KCNAB1: variants seen among roughly 807,000 people sequenced by gnomAD.
The protein encoded by KCNAB1 is voltage-gated potassium channel subunit beta-1.
KCNAB1 carries 35 observed loss-of-function variants against 64.6 expected under a neutral mutation model. The ratio of observed to expected loss-of-function variants is 0.54; its 90% CI spans 0.41 to 0.72. The LOEUF (loss-of-function observed/expected upper bound fraction) is 0.72, where lower values mean the gene tolerates loss of function less well. Ranked by LOEUF, KCNAB1 falls within the 30% of genes least tolerant of loss-of-function variation. The pLI is 0.00. For synonymous variants in KCNAB1, 177 were observed against 183.8 expected, an observed-to-expected ratio of 0.96 and a Z score of 0.30; for missense variants, 401 against 512.9, an observed-to-expected ratio of 0.78 and a Z score of 2.11.
rs1025191896 is a variant in KCNAB1 at position 156,508,193 on chromosome 3, G to A, written c.659-6171G>A. ...CTGTTTCCTCATCTAGAATAAGAAG[G>A]AACTGCACTGGATTACCTCTAAGGC... is the stretch of plus-strand genomic sequence containing the variant. On this transcript the variant is annotated intron_variant, in intron 8 of 13. Coordinates refer to ENST00000490337, the MANE Select transcript of KCNAB1 (RefSeq NM_172160.3). The surrounding 1 kb of genome is among the most constrained non-coding windows in gnomAD (Gnocchi z 4.1). 6.6e-6 allele frequency among the ~76,000 whole-genome samples: 1 copy of A among 151,892 alleles called. No homozygotes were observed. Among genetic ancestry groups the A allele is most frequent in the Non-Finnish European group, 1.5e-5 (1 of 67,978 alleles).
chr3:156,204,108 A>G (rs1477795221), intron 1 of KCNAB1, among the ~76,000 whole-genome samples: 1 of 152,248 alleles, frequency 6.6e-6, no homozygotes, highest in African/African-American at 2.4e-5. Context: ...GTAGGAAGAC[A>G]GCTATTGTTT....
intron 1 of KCNAB1, among the ~76,000 whole-genome samples, chr3:156,189,022 T>C (rs1417857992): frequency 2.6e-5 from 4 of 152,152 alleles, no homozygotes; most frequent in African/African-American, 9.7e-5. Context: ...CTACCTTGAC[T>C]CAAGACAGGT....
intron 1 of KCNAB1, among the ~76,000 whole-genome samples, chr3:156,254,119 G>A (rs987172520): frequency 6.6e-5 from 10 of 152,170 alleles, no homozygotes; most frequent in African/African-American, 2.4e-4. Context: ...TGAACAAGAG[G>A]TATTAGTAAA....
At chr3:156,382,177 AG>A (rs1192292558) in intron 1 of KCNAB1, 1 of 152,212 alleles carries the variant, frequency 6.6e-6, no homozygotes, top group Admixed American at 6.5e-5. Context: ...AATCTCCAGA[AG>A]TGAGATCCAG....
intron 1 of KCNAB1, among the ~76,000 whole-genome samples, chr3:156,397,486 C>A (rs1713547214): frequency 6.6e-6 from 1 of 152,178 alleles, no homozygotes; most frequent in Admixed American, 6.5e-5. Context: ...ATTAAGCTGT[C>A]TTTCTGAAGA....
At chr3:156,530,209 G>A (rs1351079143) in intron 12 of KCNAB1, among the ~76,000 whole-genome samples, 1 of 152,114 alleles carries the variant, frequency 6.6e-6, no homozygotes, top group Non-Finnish European at 1.5e-5. Flanking sequence ...GGGGGCGGTG[G>A]GATCATGTAT....
rs116792203 is a variant in KCNAB1, at chr3:156,236,295, A to T, written c.275+115409A>T. Among the ~76,000 whole-genome samples, 1,055 of 152,280 alleles carry T rather than the reference A, an allele frequency of 6.9e-3. 12 individuals carry two copies. Among genetic ancestry groups the T allele is most frequent in the African/African-American group, 0.024 (1,011 of 41,538 alleles). On this transcript the variant is annotated intron_variant, in intron 1 of 13. Coordinates refer to ENST00000490337, the MANE Select transcript of KCNAB1 (RefSeq NM_172160.3). ...CTGCAAAGTTGCACCTCTGGGATAC[A>T]TGGCTAAACTGAGGGCTTGCCAGCT...
At position 156,536,742 on chromosome 3, in the gene KCNAB1, TCATAAGG is replaced by T; in HGVS notation, c.1258_*4del. The T allele has an allele frequency of 6.2e-7, 1 of 1,603,732 alleles. No homozygotes were observed. Among genetic ancestry groups the T allele is most frequent in the East Asian group, 2.2e-5 (1 of 44,846 alleles). The stretch of plus-strand genomic sequence containing the variant: ...GCCCTACAGCAAGAAGGACTATAGA[TCATAAGG>T]CAATGCATGAACCACAGAAGCTGCA... On this transcript the variant is annotated stop_lost and 3_prime_UTR_variant, in exon 14 of 14. Transcript: ENST00000490337.
intron 11 of KCNAB1, among the ~76,000 whole-genome samples, chr3:156,518,345 A>G (rs1350553439): frequency 6.6e-6 from 1 of 152,144 alleles, no homozygotes; most frequent in African/African-American, 2.4e-5. Context: ...GGAGTAATAT[A>G]TGTGCACTTA....
At chr3:156,298,606 T>C (rs1221916587) in intron 1 of KCNAB1, among the ~76,000 whole-genome samples, 1 of 152,222 alleles carries the variant, frequency 6.6e-6, no homozygotes, top group Non-Finnish European at 1.5e-5. Context: ...AGTCTATCTT[T>C]AGTATATCAA....
intron 1 of KCNAB1, among the ~76,000 whole-genome samples, chr3:156,223,266 G>T (rs537626238): frequency 6.6e-6 from 1 of 152,332 alleles, no homozygotes; most frequent in East Asian, 1.9e-4. Flanking sequence ...TTATTGCAAA[G>T]AGTGAAAGAA....
At chr3:156,525,547 G>A (rs988381708) in intron 12 of KCNAB1, among the ~76,000 whole-genome samples, 9 of 152,266 alleles carry the variant, frequency 5.9e-5, no homozygotes, top group African/African-American at 1.9e-4. Flanking sequence ...ACGCAGTCTC[G>A]CTCTGTCGCC....
At chr3:156,242,541 A>G (rs1339336619) in intron 1 of KCNAB1, among the ~76,000 whole-genome samples, 1 of 150,700 alleles carries the variant, frequency 6.6e-6, no homozygotes, top group East Asian at 1.9e-4. Context: ...TCTTTTATAC[A>G]CTTTTTTTTT....
intron 1 of KCNAB1, among the ~76,000 whole-genome samples, chr3:156,311,787 A>G (rs1446506698): frequency 2.0e-5 from 3 of 152,230 alleles, no homozygotes; most frequent in Non-Finnish European, 4.4e-5. Context: ...GCTAAGGGAC[A>G]CATCAATACG....
At chr3:156,428,739 C>T (rs1386524738) in intron 2 of KCNAB1, among the ~76,000 whole-genome samples, 1 of 152,056 alleles carries the variant, frequency 6.6e-6, no homozygotes. Flanking sequence ...TGTAAAATAC[C>T]GTCATCCAAA....
intron 1 of KCNAB1, among the ~76,000 whole-genome samples, chr3:156,367,885 C>G (rs1726048795): frequency 6.6e-6 from 1 of 152,172 alleles, no homozygotes; most frequent in African/African-American, 2.4e-5. Flanking sequence ...TTTGAGGTTG[C>G]AGAATTTCCC....
At chr3:156,241,266 T>G (rs1206933869) in intron 1 of KCNAB1, among the ~76,000 whole-genome samples, 2 of 152,242 alleles carry the variant, frequency 1.3e-5, no homozygotes, top group Non-Finnish European at 2.9e-5. Context: ...CTTTCCTTAG[T>G]GTTCTTGATA....
chr3:156,348,826 G>A (rs1724673951), intron 1 of KCNAB1, among the ~76,000 whole-genome samples: 1 of 152,140 alleles, frequency 6.6e-6, no homozygotes, highest in South Asian at 2.1e-4. Flanking sequence ...ACTCATCTTT[G>A]ATGGTTCTCT....
At position 156,135,176 on chromosome 3, in the gene KCNAB1, T is replaced by C. The variant is rs1157351509; in HGVS notation, c.275+14290T>C. On this transcript the variant is annotated intron_variant, in intron 1 of 13. Transcript: ENST00000490337. ...CACACCCAGCCAATTTTTGTATTTTTAGTAGAGACAGGGTTTCATCATGTT... is the reference window on the plus strand; with the variant it reads ...CACACCCAGCCAATTTTTGTATTTTCAGTAGAGACAGGGTTTCATCATGTT... Among the ~76,000 whole-genome samples, 5 of 152,124 alleles carry C rather than the reference T, an allele frequency of 3.3e-5. No individual in the cohort carries two copies. The East Asian group carries it at 9.7e-4, about 29-fold the overall frequency.
Sources: gnomAD v4.1 joint callset for allele counts (sites outside exome capture counted in the v4.1 genomes callset) on GRCh38, gnomAD v4.1.1 for gene constraint, Gnocchi (gnomAD v3.1) non-coding constraint, MANE v1.5 for transcripts, NCBI Gene and HGNC (gene_info 2026-07-23, HGNC 2026-07-21) for gene names.